TMC2: variants seen among roughly 807,000 people sequenced by gnomAD.
TMC2 encodes the protein transmembrane channel-like protein 2.
In TMC2, 102 loss-of-function variants were observed where a neutral mutation model predicts 105.9. The observed-to-expected ratio is 0.96, with a 90% CI of 0.82 to 1.14. The LOEUF is 1.14. TMC2 is among the 50% of genes most tolerant of loss of function. TMC2 has a pLI of 0.00. For missense variants in TMC2, 1,093 were observed against 1,134.3 expected (o/e 0.96, Z 0.52); for synonymous variants, 402 against 422.8 (o/e 0.95, Z 0.60).
chr20:2,639,486 A>T (rs112087777), intron 19 of TMC2, among the ~76,000 whole-genome samples: 6 of 152,238 alleles, frequency 3.9e-5, no homozygotes, highest in African/African-American at 1.4e-4. Context: ...CAGGTTTATA[A>T]TCTAGGAGCA....
intron 17 of TMC2, among the ~76,000 whole-genome samples, chr20:2,629,806 T>G (rs1201880433): frequency 1.3e-5 from 2 of 152,220 alleles, no homozygotes; most frequent in African/African-American, 4.8e-5. Context: ...CATCAAACTG[T>G]AGTCCACAAG....
At chr20:2,618,152 T>C (rs934407908) in intron 16 of TMC2, 3 of 152,346 alleles carry the variant, frequency 2.0e-5, no homozygotes, top group Admixed American at 2.0e-4. Flanking sequence ...TAACCAACCG[T>C]ACTTCATCCC....
At chr20:2,598,844 TG>T (rs2086328628) in intron 10 of TMC2, among the ~76,000 whole-genome samples, 1 of 151,846 alleles carries the variant, frequency 6.6e-6, no homozygotes, top group South Asian at 2.1e-4. Flanking sequence ...AAAACAGGCA[TG>T]GGGGGTTCTG....
At chr20:2,576,323 G>A (rs1282726276) in intron 5 of TMC2, among the ~76,000 whole-genome samples, 1 of 152,158 alleles carries the variant, frequency 6.6e-6, no homozygotes, top group Non-Finnish European at 1.5e-5. Context: ...TTCTGACTCT[G>A]TCAACCAATG....
chr20:2,605,176 G>A (rs557924302), intron 11 of TMC2, among the ~76,000 whole-genome samples: 1 of 152,142 alleles, frequency 6.6e-6, no homozygotes, highest in Non-Finnish European at 1.5e-5. Flanking sequence ...GCTGGTATCA[G>A]AAAATTGGTT....
rs1035213031 is a variant in TMC2, at chr20:2,642,555, C to T, written c.*1204C>T. On this transcript the variant is annotated 3_prime_UTR_variant, in exon 20 of 20. Transcript: ENST00000358864. The stretch of plus-strand genomic sequence containing the variant: ...GTTTTGCAAAAGGTACAATGCAGAG[C>T]GTTGTCTCTGGGGATTCTATGTTCA... Among the ~76,000 whole-genome samples the T allele has an allele frequency of 1.3e-4, 20 of 152,118 alleles. No individual in the cohort carries two copies. Among genetic ancestry groups the T allele is most frequent in the Admixed American group, 9.8e-4 (15 of 15,264 alleles).
At chr20:2,610,769 T>G (rs1171954200) in intron 12 of TMC2, among the ~76,000 whole-genome samples, 171 bp downstream of exon 12, 1 of 152,062 alleles carries the variant, frequency 6.6e-6, no homozygotes, top group Non-Finnish European at 1.5e-5. Flanking sequence ...AGATGACCAT[T>G]GTTAACCTTT....
chr20:2,611,717 T>C (rs1017276535), intron 12 of TMC2, among the ~76,000 whole-genome samples: 6 of 152,198 alleles, frequency 3.9e-5, no homozygotes, highest in Non-Finnish European at 8.8e-5. Flanking sequence ...TGGTCACTCT[T>C]GTATCACCAC....
intron 2 of TMC2, among the ~76,000 whole-genome samples, chr20:2,546,623 G>A (rs1030742434): frequency 6.6e-6 from 1 of 151,914 alleles, no homozygotes; most frequent in Non-Finnish European, 1.5e-5. Flanking sequence ...TATGTCTCTT[G>A]AGTTGAAGGA....
Position 2,616,190 on chromosome 20 carries a change from C to T in TMC2, c.1926C>T (p.Asn642=), listed in dbSNP as rs749102560. The T allele has an allele frequency of 3.7e-6, 6 of 1,613,144 alleles. No individual in the cohort carries two copies. The highest frequency in any genetic ancestry group is 5.1e-6 in the Non-Finnish European group (6 of 1,179,256). The change falls in exon 15 of 20, where the codon AAC becomes AAT. Residue 642 remains asparagine, a synonymous_variant. Coordinates refer to ENST00000358864, the MANE Select transcript of TMC2 (RefSeq NM_080751.3). The surrounding 1 kb of genome is among the most constrained non-coding windows in gnomAD (Gnocchi z 4.8). ...GAAATGTGCTGGGTTTGATCTTCAA[C>T]CAAGGAATGATCTGGTGAGTTATCC... The part of the protein sequence containing the change: ...ISGNVLGLIF[N]QGMIWMGSFY...
intron 8 of TMC2, among the ~76,000 whole-genome samples, chr20:2,593,621 CA>C (rs1029489883): frequency 6.6e-6 from 1 of 152,182 alleles, no homozygotes; most frequent in African/African-American, 2.4e-5. Context: ...CATCATTAGG[CA>C]AAATGCGTTT....
At chr20:2,547,524 C>A (rs1303827177) in intron 2 of TMC2, among the ~76,000 whole-genome samples, 1 of 152,206 alleles carries the variant, frequency 6.6e-6, no homozygotes, top group South Asian at 2.1e-4. Flanking sequence ...AACAATGTAT[C>A]AAATAATCCT....
rs554059312 is a variant in TMC2 at position 2,568,976 on chromosome 20, T to C, written c.555-3203T>C. ...TGGGGTAGGCATTTTGTAGGAGCAG[T>C]GGTGACTGTAGCAATAGCAGCCAGA... On this transcript the variant is annotated intron_variant, in intron 4 of 19. Transcript: ENST00000358864. 2.0e-5 allele frequency among the ~76,000 whole-genome samples: 3 copies of C among 152,268 alleles called. No homozygotes were observed. In the East Asian group the frequency reaches 5.8e-4, roughly 29 times the overall value.
intron 14 of TMC2, among the ~76,000 whole-genome samples, chr20:2,614,844 C>A (rs1422762517): frequency 6.6e-6 from 1 of 151,600 alleles, no homozygotes; most frequent in African/African-American, 2.4e-5. Context: ...GGGATTATAT[C>A]CCTCATTCAT....
chr20:2,553,222 G>A (rs183048271), intron 2 of TMC2, among the ~76,000 whole-genome samples: 1 of 152,274 alleles, frequency 6.6e-6, no homozygotes, highest in East Asian at 1.9e-4. Context: ...TATGATGTTA[G>A]TTGTAGGGGT....
intron 2 of TMC2, among the ~76,000 whole-genome samples, chr20:2,545,050 AAAT>A (rs201976372): frequency 0.089 from 12,592 of 141,954 alleles, 544 homozygotes; most frequent in South Asian, 0.12. Flanking sequence ...AAAAAAAAAA[AAAT>A]TTAATTAGAC....
intron 2 of TMC2, among the ~76,000 whole-genome samples, chr20:2,546,915 TA>T (rs1181893293): frequency 6.6e-6 from 1 of 152,168 alleles, no homozygotes; most frequent in Non-Finnish European, 1.5e-5. Flanking sequence ...GAAGGCATTC[TA>T]AAAGCTTTGG....
At chr20:2,593,291 C>T (rs1387710642) in intron 8 of TMC2, among the ~76,000 whole-genome samples, 1 of 152,168 alleles carries the variant, frequency 6.6e-6, no homozygotes, top group Non-Finnish European at 1.5e-5. Flanking sequence ...CAGGTCCCTC[C>T]CTCAACACCT....
At chr20:2,562,923 G>A (rs1245213355) in intron 4 of TMC2, among the ~76,000 whole-genome samples, 1 of 151,958 alleles carries the variant, frequency 6.6e-6, no homozygotes, top group African/African-American at 2.4e-5. Context: ...TCCAGCCTGG[G>A]CAACAGAGGG....
Sources: gnomAD v4.1 joint callset for allele counts (sites outside exome capture counted in the v4.1 genomes callset) on GRCh38, gnomAD v4.1.1 for gene constraint, Gnocchi (gnomAD v3.1) non-coding constraint, MANE v1.5 for transcripts, NCBI Gene and HGNC (gene_info 2026-07-23, HGNC 2026-07-21) for gene names.